The following GABRQ variants were observed in gnomAD, a reference collection of about 807,000 sequenced individuals.
GABRQ encodes the protein gamma-aminobutyric acid type A receptor subunit theta, also known as gamma-aminobutyric acid receptor subunit theta.
A neutral mutation model predicts 30.5 loss-of-function variants in GABRQ; 19 were observed. That is an observed-to-expected ratio of 0.62 (90% CI 0.43 to 0.91). The LOEUF (loss-of-function observed/expected upper bound fraction) is 0.91. Among genes scored for constraint, GABRQ ranks in the 40% least tolerant of loss-of-function variants. The pLI is 0.00. For missense variants in GABRQ, 520 were observed against 521.4 expected (o/e 1.00, Z 0.03); for synonymous variants, 187 against 210.2 (o/e 0.89, Z 0.95).
rs1931124450 is a variant in GABRQ, at chrX:152,655,154, G to A, written c.*1873G>A. ...GGTGTGAAAGGAAATACCCCTGAAA[G>A]CATATGTATTCCCTGTTGGTGACCC... On this transcript the variant is annotated 3_prime_UTR_variant, in exon 9 of 9. Transcript: ENST00000598523. 2 of 112,663 alleles carry A rather than the reference G, an allele frequency of 1.8e-5. No homozygotes were observed. Among genetic ancestry groups the A allele is most frequent in the South Asian group, 7.3e-4 (2 of 2,730 alleles). 9.3% of individuals were successfully genotyped at this position (112,663 alleles called of 1,213,427 possible).
chrX:152,648,473 T>A (rs2124913787), intron 4 of GABRQ, among the ~76,000 whole-genome samples: 1 of 109,361 alleles, frequency 9.1e-6, no homozygotes, highest in African/African-American at 3.3e-5. Context: ...CAAGCAATTC[T>A]CCTGCCTCAG....
chrX:152,658,566 C>A (rs782182356), downstream of GABRQ, among the ~76,000 whole-genome samples: 19 of 112,224 alleles, frequency 1.7e-4, no homozygotes, highest in African/African-American at 5.8e-4. Flanking sequence ...TGGTCCTGCA[C>A]AGGCTGGGAA....
chrX:152,645,368 C>A (rs1930863046), intron 2 of GABRQ, among the ~76,000 whole-genome samples, 159 bp from the exon 3 acceptor site: 1 of 111,901 alleles, frequency 8.9e-6, no homozygotes, highest in Admixed American at 9.5e-5. Flanking sequence ...CCCATTTTAC[C>A]CATGAGGAGA....
At chrX:152,638,731 G>A (rs1930675462) in intron 1 of GABRQ, among the ~76,000 whole-genome samples, 1 of 111,932 alleles carries the variant, frequency 8.9e-6, no homozygotes, top group Non-Finnish European at 1.9e-5. Flanking sequence ...TGGGGAGGAG[G>A]GTACAGGATG....
Position 152,652,846 on chromosome X carries a change from C to T in GABRQ, c.1464C>T (p.Ala488=), listed in dbSNP as rs5925198. The change falls in exon 9 of 9, where the codon GCC becomes GCT. Residue 488 remains alanine, a synonymous_variant. Transcript: ENST00000598523. The stretch of plus-strand genomic sequence containing the variant: ...CCGAAATCCGCAACCGTGTCGAAGC[C>T]CATGGCCATGGTGTTACCCATGACC... ...IPTEIRNRVE[A]HGHGVTHDHE... The T allele has an allele frequency of 2.0e-3, 2,368 of 1,207,729 alleles. 2 individuals carry two copies. The highest frequency in any genetic ancestry group is 2.1e-3 in the Non-Finnish European group (1,898 of 892,594).
intron 4 of GABRQ, among the ~76,000 whole-genome samples, chrX:152,648,238 G>A (rs1402932768): frequency 1.8e-5 from 2 of 111,645 alleles, no homozygotes; most frequent in African/African-American, 6.5e-5. Flanking sequence ...CAGAATAAGG[G>A]ATGGAGCAGA....
rs1556817732 is a variant in GABRQ, at chrX:152,638,252, G to A, written c.50G>A (p.Arg17Lys). 8.3e-7 allele frequency: 1 copy of A among 1,210,844 alleles called. No homozygotes were observed. Among genetic ancestry groups the A allele is most frequent in the Admixed American group, 2.2e-5 (1 of 46,184 alleles). The change falls in exon 1 of 9, where the codon AGG becomes AAG. Residue 17 changes from arginine (R) to lysine (K), a missense_variant. Physicochemically the swap from Arg to Lys is conservative, Grantham distance 26 (BLOSUM62 2). Coordinates refer to ENST00000598523, the MANE Select transcript of GABRQ (RefSeq NM_018558.4). ...GCCGCAGTGATCCTGCTGCTCATCA[G>A]GACCTGGCTCGCGGAGGGCAACTAC... ...LRAAVILLLI[R>K]TWLAEGNYPS...
Position 152,652,831 on chromosome X carries a change from C to A in GABRQ, c.1449C>A (p.Arg483=), listed in dbSNP as rs782197983. Residue 483 remains arginine, a synonymous_variant, in exon 9 of 9, where the codon CGC becomes CGA. Coordinates refer to ENST00000598523, the MANE Select transcript of GABRQ (RefSeq NM_018558.4). ...ADDSIIPTEI[R]NRVEAHGHGV... ...ACAGTATTATTCCTACCGAAATCCGCAACCGTGTCGAAGCCCATGGCCATG... is the reference window on the plus strand; with the variant it reads ...ACAGTATTATTCCTACCGAAATCCGAAACCGTGTCGAAGCCCATGGCCATG... 8.3e-6 allele frequency: 10 copies of A among 1,209,232 alleles called. No individual in the cohort carries two copies. The highest frequency in any genetic ancestry group is 1.7e-5 in the African/African-American group (1 of 57,319).
intron 3 of GABRQ, 34 bp from the exon 4 acceptor site, chrX:152,646,906 GACAACCAA>G: frequency 1.0e-6 from 1 of 989,121 alleles, no homozygotes; most frequent in Non-Finnish European, 1.4e-6. Context: ...TGGAGCTCTG[GACAACCAA>G]ACTTACAACT....
chrX:152,646,036 A>G (rs958482598), intron 3 of GABRQ, among the ~76,000 whole-genome samples: 1 of 112,791 alleles, frequency 8.9e-6, no homozygotes, highest in Non-Finnish European at 1.9e-5. Flanking sequence ...GTGGACTAAG[A>G]TGCTTGCAGC....
chrX:152,649,337 C>A lies in GABRQ; in HGVS notation c.610+4C>A, dbSNP rs201402051. On this transcript the variant is annotated splice_donor_region_variant and intron_variant, in intron 5 of 8. Transcript: ENST00000598523. ...TGCAACCTGGTGGTAGAGAGCTGTACGTATGTCTCCTATGGCCCCTTCTTC... is the reference window on the plus strand; with the variant it reads ...TGCAACCTGGTGGTAGAGAGCTGTAAGTATGTCTCCTATGGCCCCTTCTTC... 2.8e-6 allele frequency: 3 copies of A among 1,061,269 alleles called. No homozygotes were observed. The South Asian group carries it at 5.6e-5, about 20-fold the overall frequency. 87.5% of individuals were successfully genotyped at this position (1,061,269 alleles called of 1,213,427 possible). A position where few individuals can be genotyped will look rare whatever the true frequency, so the allele number is the denominator to read the frequency against.
downstream of GABRQ, among the ~76,000 whole-genome samples, chrX:152,658,746 A>G (rs148183956): frequency 0.01 from 1,159 of 111,662 alleles, 24 homozygotes; most frequent in African/African-American, 0.036. Context: ...CACCACACAA[A>G]CACACCTTTC....
At chrX:152,646,286 G>A (rs782158347) in intron 3 of GABRQ, among the ~76,000 whole-genome samples, 1 of 112,321 alleles carries the variant, frequency 8.9e-6, no homozygotes, top group East Asian at 2.8e-4. Flanking sequence ...CAATACCAAT[G>A]TTGGTGAAGC....
Position 152,639,378 on chromosome X carries a change from G to GCGCACACACACACA in GABRQ, c.150-999_150-998insGCACACACACACAC, listed in dbSNP as rs202009485. Among the ~76,000 whole-genome samples, 425 of 103,360 alleles carry GCGCACACACACACA rather than the reference G, an allele frequency of 4.1e-3. 5 individuals are homozygous for GCGCACACACACACA. Among genetic ancestry groups the GCGCACACACACACA allele is most frequent in the African/African-American group, 0.015 (414 of 27,870 alleles). The allele number at this position is 103,360 out of a possible 115,157, so 89.8% of individuals were successfully genotyped here. A position where few individuals can be genotyped will look rare whatever the true frequency, so the allele number is the denominator to read the frequency against. Reference sequence around the variant, plus strand: ...ACTGAACATGCACACATGCGCGTGCGCACACACACACACACACACACACAC... The same window carrying GCGCACACACACACA: ...ACTGAACATGCACACATGCGCGTGCGCGCACACACACACACACACACACACACACACACACACAC... On this transcript the variant is annotated intron_variant, in intron 1 of 8. Coordinates refer to ENST00000598523, the MANE Select transcript of GABRQ (RefSeq NM_018558.4).
At chrX:152,651,880 G>C in intron 8 of GABRQ, 98 bp downstream of exon 8, 3 of 817,548 alleles carry the variant, frequency 3.7e-6, no homozygotes, top group Non-Finnish European at 5.3e-6. Flanking sequence ...TTTTAAATAC[G>C]CGCACCCACA....
chrX:152,640,654 A>G (rs927425354), intron 2 of GABRQ, 188 bp downstream of exon 2: 15 of 485,752 alleles, frequency 3.1e-5, no homozygotes, highest in Admixed American at 8.4e-5. Context: ...TGCACCCTGT[A>G]ATATCTCTCA....
chrX:152,638,802 T>G (rs987605296), intron 1 of GABRQ, among the ~76,000 whole-genome samples: 27 of 110,919 alleles, frequency 2.4e-4, no homozygotes, highest in African/African-American at 8.2e-4. Flanking sequence ...TTTTAGTCCA[T>G]TTCCTGAGGC....
In GABRQ at chrX:152,649,728, T is replaced by C; in HGVS notation, c.611-14T>C. ...CTAAGAATCTGAGACTACCTCTGTT[T>C]CTCTCCTTCCCAGATGGTTACACGG... On this transcript the variant is annotated splice_polypyrimidine_tract_variant and intron_variant, in intron 5 of 8. Transcript: ENST00000598523. The C allele has an allele frequency of 8.5e-7, 1 of 1,178,895 alleles. No homozygotes were observed.
chrX:152,641,458 AAC>A (rs1556818396), intron 2 of GABRQ, among the ~76,000 whole-genome samples: 1 of 112,991 alleles, frequency 8.9e-6, no homozygotes, highest in Non-Finnish European at 1.9e-5. Context: ...ACCCCAAGAA[AAC>A]ACAGCTGAGA....
Sources: allele counts gnomAD v4.1 joint callset (sites outside exome capture counted in the v4.1 genomes callset), GRCh38; gene constraint gnomAD v4.1.1; transcripts MANE v1.5; gene names NCBI Gene and HGNC (gene_info 2026-07-23, HGNC 2026-07-21).